Variants in PLPP3 observed in about 807,000 individuals in gnomAD.
PLPP3 encodes the protein PAP2 beta.
Under a neutral mutation model 29.6 loss-of-function variants are expected in PLPP3, and 6 were observed. That is an observed-to-expected ratio of 0.20 (90% CI 0.11 to 0.40). PLPP3 has a LOEUF of 0.40. Ranked by LOEUF, PLPP3 falls within the 10% of genes least tolerant of loss-of-function variation. The probability of loss-of-function intolerance (pLI) is 1.00; values close to 1 mark genes in which losing one functional copy is unlikely to be tolerated. For missense variants in PLPP3, 308 were observed against 407.7 expected, an observed-to-expected ratio of 0.76 and a Z score of 2.11; for synonymous variants, 152 against 159.7, an observed-to-expected ratio of 0.95 and a Z score of 0.36.
intron 1 of PLPP3, among the ~76,000 whole-genome samples, chr1:56,575,056 A>G (rs1431937388): frequency 6.6e-6 from 1 of 152,180 alleles, no homozygotes; most frequent in African/African-American, 2.4e-5. Flanking sequence ...ATATATAATG[A>G]AGAGCTCAGC....
At chr1:56,555,958 G>A (rs776371403) in intron 1 of PLPP3, among the ~76,000 whole-genome samples, 47 of 152,122 alleles carry the variant, frequency 3.1e-4, no homozygotes, top group Non-Finnish European at 4.4e-5. Context: ...TCAGATCGAG[G>A]AAGACATTTT....
rs532399841 is a variant in PLPP3, at chr1:56,568,650, G to A, written c.139+10228C>T. On this transcript the variant is annotated intron_variant, in intron 1 of 5. Coordinates refer to ENST00000371250, the MANE Select transcript of PLPP3 (RefSeq NM_003713.5). Reference sequence around the variant, plus strand: ...TTTCTTTTTCTTTTCTTTTTGAGACGAGTCTCGCTCTGTCGCCCAGGCTGG... The same window carrying A: ...TTTCTTTTTCTTTTCTTTTTGAGACAAGTCTCGCTCTGTCGCCCAGGCTGG... Among the ~76,000 whole-genome samples, 8 of 152,168 alleles carry A rather than the reference G, an allele frequency of 5.3e-5. No homozygotes were observed. The South Asian group carries it at 6.2e-4, about 12-fold the overall frequency.
chr1:56,510,347 T>G (rs1645732062), intron 5 of PLPP3, among the ~76,000 whole-genome samples: 1 of 152,260 alleles, frequency 6.6e-6, no homozygotes, highest in African/African-American at 2.4e-5. Context: ...GTTCTCTCCC[T>G]TCTGGCCTTT....
chr1:56,551,020 C>T (rs978514840), intron 1 of PLPP3, among the ~76,000 whole-genome samples: 4 of 152,070 alleles, frequency 2.6e-5, no homozygotes, highest in Non-Finnish European at 4.4e-5. Flanking sequence ...TAGGCCTTTG[C>T]GAACTCTGGC....
chr1:56,577,493 C>T (rs1020598244), intron 1 of PLPP3, among the ~76,000 whole-genome samples: 1 of 151,946 alleles, frequency 6.6e-6, no homozygotes, highest in Non-Finnish European at 1.5e-5. Context: ...TATTTTTAAA[C>T]TCTAAGAATC....
At chr1:56,572,704 A>G (rs1646207842) in intron 1 of PLPP3, among the ~76,000 whole-genome samples, 1 of 152,182 alleles carries the variant, frequency 6.6e-6, no homozygotes, top group African/African-American at 2.4e-5. Flanking sequence ...GCCAAGAAAT[A>G]AGAGGATTTT....
intron 2 of PLPP3, among the ~76,000 whole-genome samples, chr1:56,526,053 T>C (rs1305784466): frequency 2.0e-5 from 3 of 152,162 alleles, no homozygotes; most frequent in Non-Finnish European, 4.4e-5. Flanking sequence ...ATATAAGAGC[T>C]ACATTTTGTT....
chr1:56,557,241 G>A (rs1475791358), intron 1 of PLPP3, among the ~76,000 whole-genome samples: 3 of 151,488 alleles, frequency 2.0e-5, no homozygotes, highest in Non-Finnish European at 2.9e-5. Flanking sequence ...AGCTGGGCAT[G>A]GTGGTAGGCA....
intron 1 of PLPP3, among the ~76,000 whole-genome samples, chr1:56,575,114 G>A (rs933201124): frequency 1.4e-5 from 2 of 147,074 alleles, no homozygotes; most frequent in Admixed American, 1.3e-4. Context: ...AGTCTCTAAC[G>A]TCAAGCCTCT....
In PLPP3 at chr1:56,578,919, C is replaced by T; in HGVS notation, c.98G>A (p.Arg33Gln). ...GAGGTCGAGGCAGATGAGCAGCACC[C>T]GCTTGCTGCCGCTCCTCCTCGGGTT... ...NNNPRRSGSK[R>Q]VLLICLDLFC... is the part of the protein sequence containing the mutation. The change falls in exon 1 of 6, where the codon CGG becomes CAG. Residue 33 changes from arginine to glutamine, a missense_variant. Around this residue, in one of 3 missense-constraint regions of PLPP3, gnomAD observed 67 missense variants for 61.3 expected, o/e 1.09. Coordinates refer to ENST00000371250, the MANE Select transcript of PLPP3 (RefSeq NM_003713.5). 3.1e-6 allele frequency: 5 copies of T among 1,604,192 alleles called. No homozygotes were observed. The highest frequency in any genetic ancestry group is 4.2e-6 in the Non-Finnish European group (5 of 1,176,544).
intron 4 of PLPP3, among the ~76,000 whole-genome samples, chr1:56,520,287 C>A (rs1222682579): frequency 6.6e-6 from 1 of 152,150 alleles, no homozygotes; most frequent in African/African-American, 2.4e-5. Context: ...AGATTTGATT[C>A]CACATCTGCT....
At chr1:56,537,809 C>T (rs1274601682) in intron 1 of PLPP3, among the ~76,000 whole-genome samples, 1 of 152,188 alleles carries the variant, frequency 6.6e-6, no homozygotes, top group Non-Finnish European at 1.5e-5. Context: ...GAGCTTGGCC[C>T]TGCTGCCTGC....
At chr1:56,504,225 G>A (rs545464888) in intron 5 of PLPP3, among the ~76,000 whole-genome samples, 2 of 152,340 alleles carry the variant, frequency 1.3e-5, no homozygotes, top group East Asian at 1.9e-4. Flanking sequence ...AGCTAGTCAG[G>A]AAGTTGAAGT....
At chr1:56,527,871 A>G (rs547796776) in intron 2 of PLPP3, among the ~76,000 whole-genome samples, 49 of 152,210 alleles carry the variant, frequency 3.2e-4, no homozygotes, top group African/African-American at 1.2e-3. Context: ...GACACGTTAC[A>G]CACCTAACTC....
At chr1:56,557,019 A>AAAGAAAGAAG in intron 1 of PLPP3, among the ~76,000 whole-genome samples, 1 of 14,392 alleles carries the variant, frequency 6.9e-5, no homozygotes, top group Admixed American at 1.2e-3. Flanking sequence ...AGAGAGAGAG[A>AAAGAAAGAAG]GAGAGAAAGA....
At chr1:56,519,588 T>C (rs991359290) in intron 4 of PLPP3, among the ~76,000 whole-genome samples, 12 of 152,066 alleles carry the variant, frequency 7.9e-5, no homozygotes, top group African/African-American at 2.9e-4. Flanking sequence ...GCTGCATGAA[T>C]TGGTGTCTGC....
chr1:56,499,790 A>G (rs956264146), intron 5 of PLPP3, among the ~76,000 whole-genome samples: 2 of 152,226 alleles, frequency 1.3e-5, no homozygotes, highest in African/African-American at 4.8e-5. Flanking sequence ...GCAGGACACA[A>G]AAAGACCTAG....
At chr1:56,526,010 GAC>G (rs1043926392) in intron 2 of PLPP3, among the ~76,000 whole-genome samples, 1 of 152,134 alleles carries the variant, frequency 6.6e-6, no homozygotes, top group African/African-American at 2.4e-5. Flanking sequence ...TGCCAACATT[GAC>G]ACAGTGACTC....
At chr1:56,539,752 GA>G (rs1645955676) in intron 1 of PLPP3, among the ~76,000 whole-genome samples, 1 of 152,122 alleles carries the variant, frequency 6.6e-6, no homozygotes, top group African/African-American at 2.4e-5. Flanking sequence ...ATATGGTCCC[GA>G]ACCATCTTCA....
Sources: gnomAD v4.1 joint callset for allele counts (sites outside exome capture counted in the v4.1 genomes callset) on GRCh38, gnomAD v4.1.1 for gene constraint, gnomAD v4.1.1 regional missense constraint, MANE v1.5 for transcripts, NCBI Gene and HGNC (gene_info 2026-07-23, HGNC 2026-07-21) for gene names.